OBI1: variants seen among roughly 807,000 people sequenced by gnomAD.
OBI1 encodes ORC ubiquitin ligase 1, also known as ring finger protein 219.
OBI1 carries 59 observed loss-of-function variants against 62.4 expected under a neutral mutation model. That is an observed-to-expected ratio of 0.95 (90% confidence interval 0.77 to 1.17). OBI1 has a LOEUF of 1.17. OBI1 is among the 50% of genes most tolerant of loss of function. The pLI is 0.00. For synonymous variants in OBI1, 302 were observed against 292.8 expected, an observed-to-expected ratio of 1.03 and a Z score of -0.32; for missense variants, 875 against 830.9, an observed-to-expected ratio of 1.05 and a Z score of -0.65.
At chr13:78,648,647 C>A (rs1876457664) in intron 1 of OBI1, among the ~76,000 whole-genome samples, 1 of 152,160 alleles carries the variant, frequency 6.6e-6, no homozygotes. Flanking sequence ...GGCACGGTGG[C>A]TCACTCCTGT....
At chr13:78,628,467 G>T (rs1261192060) in intron 5 of OBI1, among the ~76,000 whole-genome samples, 2 of 152,190 alleles carry the variant, frequency 1.3e-5, no homozygotes. Flanking sequence ...AGGATTGAAG[G>T]AGACAGCCAT....
chr13:78,633,645 C>A (rs1432766564), intron 5 of OBI1, among the ~76,000 whole-genome samples: 1 of 152,066 alleles, frequency 6.6e-6, no homozygotes, highest in African/African-American at 2.4e-5. Flanking sequence ...AAAAGAAGAA[C>A]CTTAAGTGCT....
At chr13:78,621,968 T>C (rs139939894) in intron 5 of OBI1, among the ~76,000 whole-genome samples, 1 of 152,318 alleles carries the variant, frequency 6.6e-6, no homozygotes, top group East Asian at 1.9e-4. Context: ...CAGAAGTTTT[T>C]CACAAAAAAA....
At position 78,644,951 on chromosome 13, in the gene OBI1, A is replaced by C; in HGVS notation, c.119T>G (p.Ile40Ser). 6.2e-6 allele frequency: 10 copies of C among 1,613,870 alleles called. No individual in the cohort carries two copies. Among genetic ancestry groups the C allele is most frequent in the Non-Finnish European group, 8.5e-6 (10 of 1,179,862 alleles). ...ICINNHVFCS[I>S]CIDLWLKNNS... is the part of the protein sequence containing the mutation. ...ATTCTTCAACCACAAATCAATACAA[A>C]TCGAACAAAATACATGGTTGTTGAT... Residue 40 changes from isoleucine to serine, a missense_variant, in exon 2 of 6, where the codon ATT becomes AGT. Ile to Ser is a moderately radical substitution (Grantham distance 142, BLOSUM62 -2). Coordinates refer to ENST00000282003, the MANE Select transcript of OBI1 (RefSeq NM_024546.4).
chr13:78,632,352 C>T (rs201249052), intron 5 of OBI1, among the ~76,000 whole-genome samples: 1 of 152,038 alleles, frequency 6.6e-6, no homozygotes, highest in African/African-American at 2.4e-5. Context: ...ATCTGTTGTT[C>T]AAGCCACTCG....
At chr13:78,658,125 T>C (rs1324110779) in intron 1 of OBI1, among the ~76,000 whole-genome samples, 4 of 152,208 alleles carry the variant, frequency 2.6e-5, no homozygotes, top group African/African-American at 7.2e-5. Flanking sequence ...TCTAGAAGTT[T>C]GTATTTCTCA....
chr13:78,654,280 A>C (rs1261978031), intron 1 of OBI1, among the ~76,000 whole-genome samples: 1 of 152,244 alleles, frequency 6.6e-6, no homozygotes, highest in Non-Finnish European at 1.5e-5. Flanking sequence ...TATGTATAAA[A>C]TGCAATATTG....
intron 1 of OBI1, among the ~76,000 whole-genome samples, chr13:78,653,111 T>C (rs1227633753): frequency 6.6e-6 from 1 of 152,348 alleles, no homozygotes; most frequent in East Asian, 1.9e-4. Flanking sequence ...AGGCTGTTGT[T>C]CATTAATATC....
chr13:78,655,340 C>G (rs1876668508), intron 1 of OBI1, among the ~76,000 whole-genome samples: 1 of 30,862 alleles, frequency 3.2e-5, no homozygotes, highest in Non-Finnish European at 7.7e-5. Context: ...AAGAAACAAA[C>G]AAACAAAAAA....
chr13:78,618,052 A>G (rs1477172497), intron 5 of OBI1, among the ~76,000 whole-genome samples: 1 of 152,156 alleles, frequency 6.6e-6, no homozygotes, highest in African/African-American at 2.4e-5. Flanking sequence ...ACAAAAGATA[A>G]AAAAGACTGT....
intron 1 of OBI1, among the ~76,000 whole-genome samples, chr13:78,645,658 C>CG (rs1876359877): frequency 7.3e-5 from 1 of 13,716 alleles, no homozygotes; most frequent in African/African-American, 9.7e-5. Flanking sequence ...ACATTTATAG[C>CG]ATTTTTTTTT....
In OBI1 at chr13:78,625,492, G is replaced by A. The variant is rs777120671; in HGVS notation, c.639-8370C>T. On this transcript the variant is annotated intron_variant, in intron 5 of 5. Transcript: ENST00000282003. ...ATTGAGGACTAATGTGTGCTCAGGG[G>A]CTATGAAGAAGGAAAACAAAGGAAG... Among the ~76,000 whole-genome samples the A allele has an allele frequency of 4.6e-5, 7 of 152,162 alleles. No individual in the cohort carries two copies. The South Asian group carries it at 8.3e-4, about 18-fold the overall frequency.
chr13:78,648,427 TAA>T (rs1403601150), intron 1 of OBI1, among the ~76,000 whole-genome samples: 1 of 151,742 alleles, frequency 6.6e-6, no homozygotes, highest in Non-Finnish European at 1.5e-5. Flanking sequence ...TTATTTTTTA[TAA>T]GTTATAAACT....
chr13:78,622,543 G>C (rs1875545641), intron 5 of OBI1, among the ~76,000 whole-genome samples: 1 of 152,124 alleles, frequency 6.6e-6, no homozygotes, highest in African/African-American at 2.4e-5. Context: ...AGCCATAGTA[G>C]CTTCTCATTT....
intron 1 of OBI1, among the ~76,000 whole-genome samples, chr13:78,652,367 A>G (rs911483285): frequency 4.0e-5 from 6 of 151,204 alleles, no homozygotes; most frequent in Non-Finnish European, 5.9e-5. Context: ...CAAAACACAC[A>G]CATAATTTTC....
chr13:78,620,613 GAT>G (rs1178732056), intron 5 of OBI1: 4 of 433,804 alleles, frequency 9.2e-6, no homozygotes, highest in African/African-American at 9.2e-5. Context: ...ATACATTCTG[GAT>G]GAGAGAGAAA....
chr13:78,619,951 T>A lies in OBI1; in HGVS notation c.639-2829A>T, dbSNP rs978840525. 2.0e-5 allele frequency among the ~76,000 whole-genome samples: 3 copies of A among 152,196 alleles called. No individual in the cohort carries two copies. In the South Asian group the frequency reaches 6.2e-4, roughly 32 times the overall value. The stretch of plus-strand genomic sequence containing the variant: ...AGTCACTGTATTACTAAAGTAAACA[T>A]GTTTTGTTTACTACATTTGACTGTT... On this transcript the variant is annotated intron_variant, in intron 5 of 5. Transcript: ENST00000282003.
chr13:78,627,768 ATTATT>A (rs1875720808), intron 5 of OBI1, among the ~76,000 whole-genome samples: 3 of 152,174 alleles, frequency 2.0e-5, no homozygotes, highest in South Asian at 2.1e-4. Context: ...GAAGATTTAT[ATTATT>A]TTGTCTTCCC....
chr13:78,616,610 T>C lies in OBI1; in HGVS notation c.1151A>G (p.Tyr384Cys), dbSNP rs1250729462. Residue 384 changes from tyrosine (Y) to cysteine (C), a missense_variant, in exon 6 of 6, where the codon TAT (tyrosine) becomes TGT (cysteine). By Grantham distance (194) the Tyr-to-Cys change is radical. Coordinates refer to ENST00000282003, the MANE Select transcript of OBI1 (RefSeq NM_024546.4). ...AGGAGTACAAGGAGCTGGAAGATCATAAAGTTCTTCATCTTTGTAGGGTAC... is the reference window on the plus strand; with the variant it reads ...AGGAGTACAAGGAGCTGGAAGATCACAAAGTTCTTCATCTTTGTAGGGTAC... ...DCVPYKDEEL[Y>C]DLPAPCTPLS... The C allele has an allele frequency of 6.2e-7, 1 of 1,614,188 alleles. No homozygotes were observed. The highest frequency in any genetic ancestry group is 1.1e-5 in the South Asian group (1 of 91,078).
Sources: allele counts gnomAD v4.1 joint callset (sites outside exome capture counted in the v4.1 genomes callset), GRCh38; gene constraint gnomAD v4.1.1; transcripts MANE v1.5; gene names NCBI Gene and HGNC (gene_info 2026-07-23, HGNC 2026-07-21).